CORO2B: variants seen among roughly 807,000 people sequenced by gnomAD.
The protein encoded by CORO2B is coronin 2B, also known as coronin-2B.
CORO2B carries 26 observed loss-of-function variants against 58.8 expected under a neutral mutation model. The ratio of observed to expected loss-of-function variants is 0.44; its 90% CI spans 0.32 to 0.61. The LOEUF is 0.61. CORO2B is among the 20% of genes least tolerant of loss of function. CORO2B has a pLI of 0.04. For synonymous variants in CORO2B, 242 were observed against 253.8 expected (o/e 0.95, Z 0.44); for missense variants, 460 against 645.1 (o/e 0.71, Z 3.11).
At chr15:68,568,902 T>C in the CORO2B span, among the ~76,000 whole-genome samples, 1 of 152,072 alleles carries the variant, frequency 6.6e-6, no homozygotes, top group South Asian at 2.1e-4. Flanking sequence ...GATGGCTTGA[T>C]AGGTGCAGCA....
At chr15:68,604,004 A>C (rs1168008629) in intron 1 of CORO2B, among the ~76,000 whole-genome samples, 5 of 152,188 alleles carry the variant, frequency 3.3e-5, no homozygotes, top group African/African-American at 1.2e-4. Context: ...GAGGTTCAGC[A>C]TAAGAGCCCA....
At chr15:68,635,866 A>C (rs1901018187) in intron 1 of CORO2B, among the ~76,000 whole-genome samples, 1 of 152,248 alleles carries the variant, frequency 6.6e-6, no homozygotes, top group Middle Eastern at 3.4e-3. Flanking sequence ...CTGCCCTCCT[A>C]TTCCTTCCCT....
chr15:68,701,898 T>C (rs576733874), intron 3 of CORO2B, among the ~76,000 whole-genome samples: 2 of 152,284 alleles, frequency 1.3e-5, no homozygotes, highest in South Asian at 2.1e-4. Context: ...AAGAACTCCA[T>C]AGACATTAAC....
chr15:68,578,863 G>A (rs1899339333), upstream of CORO2B: 1 of 280,998 alleles, frequency 3.6e-6, no homozygotes, highest in Admixed American at 6.5e-5. This position sits in a 1 kb window ranked among gnomAD's most constrained non-coding sequence, Gnocchi z 4.2. Context: ...TCGAGCGGGA[G>A]GCTCGGGGCA....
At chr15:68,701,484 T>TTTTA (rs1892647114) in intron 3 of CORO2B, among the ~76,000 whole-genome samples, 1 of 82,780 alleles carries the variant, frequency 1.2e-5, no homozygotes, top group Non-Finnish European at 2.6e-5. Flanking sequence ...GCTAATTTTT[T>TTTTA]TTTTTTTTTT....
rs562435964 is a variant in CORO2B, at chr15:68,714,225, G to A, written c.765+184G>A. ...TACAGAGGCTTCAAGGAACAATGTC[G>A]GCCACACCTGCAAGATGTTCACCCT... On this transcript the variant is annotated intron_variant, in intron 6 of 11. Transcript: ENST00000261861. 3.5e-4 allele frequency among the ~76,000 whole-genome samples: 53 copies of A among 152,250 alleles called. 1 individual carries two copies. Among genetic ancestry groups the A allele is most frequent in the African/African-American group, 1.2e-3 (48 of 41,546 alleles).
At chr15:68,548,901 C>T in the CORO2B span, among the ~76,000 whole-genome samples, 52 of 152,106 alleles carry the variant, frequency 3.4e-4, no homozygotes, top group African/African-American at 1.0e-3. Context: ...TTTTTCTTAT[C>T]GATTGACAGG....
the CORO2B span, among the ~76,000 whole-genome samples, chr15:68,539,857 T>C: frequency 5.9e-5 from 9 of 152,236 alleles, no homozygotes; most frequent in African/African-American, 2.2e-4. Flanking sequence ...CTTTGCTGTT[T>C]GGTTAATAGA....
the CORO2B span, among the ~76,000 whole-genome samples, chr15:68,538,418 C>T: frequency 6.6e-6 from 1 of 152,216 alleles, no homozygotes; most frequent in Non-Finnish European, 1.5e-5. Flanking sequence ...ACAGTATGTG[C>T]CCTCTGGAAC....
the CORO2B span, among the ~76,000 whole-genome samples, chr15:68,550,954 T>C: frequency 1.3e-5 from 2 of 151,970 alleles, no homozygotes; most frequent in African/African-American, 4.8e-5. Flanking sequence ...CCCTCCCACT[T>C]ATGGGCTACC....
chr15:68,691,563 T>C (rs1596017600), intron 2 of CORO2B, among the ~76,000 whole-genome samples: 1 of 12,008 alleles, frequency 8.3e-5, no homozygotes, highest in African/African-American at 1.2e-4. Flanking sequence ...AGGCGGAGCT[T>C]GCAGTGAGCC....
At chr15:68,526,962 A>C in the CORO2B span, among the ~76,000 whole-genome samples, 7 of 152,190 alleles carry the variant, frequency 4.6e-5, no homozygotes, top group Non-Finnish European at 1.0e-4. Context: ...GGGCCCTCAT[A>C]CAATAGGATT....
intron 1 of CORO2B, among the ~76,000 whole-genome samples, chr15:68,596,955 C>T (rs1012562256): frequency 9.9e-5 from 15 of 152,232 alleles, no homozygotes; most frequent in Non-Finnish European, 2.2e-4. Flanking sequence ...GAGGGTGCTC[C>T]AAACTGGGTC....
chr15:68,548,755 C>T, the CORO2B span, among the ~76,000 whole-genome samples: 2 of 152,280 alleles, frequency 1.3e-5, no homozygotes, highest in Middle Eastern at 3.4e-3. Context: ...CCATTCTTGC[C>T]AACATGATGA....
the CORO2B span, among the ~76,000 whole-genome samples, chr15:68,525,381 T>G: frequency 1.3e-5 from 2 of 152,216 alleles, no homozygotes; most frequent in Non-Finnish European, 2.9e-5. Flanking sequence ...ACAGATGTTT[T>G]GAAGCAAATT....
chr15:68,584,475 G>T (rs1329630524), intron 1 of CORO2B, among the ~76,000 whole-genome samples: 1 of 152,194 alleles, frequency 6.6e-6, no homozygotes, highest in Non-Finnish European at 1.5e-5. Flanking sequence ...CTGGTTGGGA[G>T]TGTGGGCGCT....
In CORO2B at chr15:68,645,123, G is replaced by T. The variant is rs1454258483; in HGVS notation, c.16-37G>T. 6.2e-7 allele frequency: 1 copy of T among 1,605,076 alleles called. No homozygotes were observed. The highest frequency in any genetic ancestry group is 8.5e-7 in the Non-Finnish European group (1 of 1,175,190). On this transcript the variant is annotated intron_variant, in intron 1 of 11. Coordinates refer to ENST00000261861, the MANE Select transcript of CORO2B (RefSeq NM_006091.5). The surrounding 1 kb of genome is among the most constrained non-coding windows in gnomAD (Gnocchi z 4.5). ...CAGCCGAGGCCCTTCATGGCACAGG[G>T]CCCAGCCTGACCCTTGTCTCTCCTG...
chr15:68,633,153 G>T (rs561463289), intron 1 of CORO2B, among the ~76,000 whole-genome samples: 2 of 152,140 alleles, frequency 1.3e-5, no homozygotes, highest in African/African-American at 4.8e-5. Flanking sequence ...ATGGAGCAGA[G>T]CTGTGTGCTG....
At position 68,661,099 on chromosome 15, in the gene CORO2B, T is replaced by G. The variant is rs1021654943; in HGVS notation, c.216+15739T>G. 4.6e-5 allele frequency among the ~76,000 whole-genome samples: 7 copies of G among 151,524 alleles called. No homozygotes were observed. The East Asian group carries it at 1.4e-3, about 30-fold the overall frequency. On this transcript the variant is annotated intron_variant, in intron 2 of 11. Coordinates refer to ENST00000261861, the MANE Select transcript of CORO2B (RefSeq NM_006091.5). ...TTCAAGCGATTCTCCTGCCTCAACC[T>G]CCCCAGTGGCTGGGATTACAGGTGC... is the stretch of plus-strand genomic sequence containing the variant.
Sources: allele counts gnomAD v4.1 joint callset (sites outside exome capture counted in the v4.1 genomes callset), GRCh38; gene constraint gnomAD v4.1.1; non-coding constraint Gnocchi (gnomAD v3.1); transcripts MANE v1.5; gene names NCBI Gene and HGNC (gene_info 2026-07-23, HGNC 2026-07-21).